Variants in NDRG1 observed in about 807,000 individuals in gnomAD.
The protein encoded by NDRG1 is N-myc downstream regulated 1, also known as protein NDRG1.
In NDRG1, 32 loss-of-function variants were observed where a neutral mutation model predicts 56.9. The ratio of observed to expected loss-of-function variants is 0.56; its 90% CI spans 0.42 to 0.76. NDRG1 has a LOEUF of 0.76. NDRG1 is among the 30% of genes least tolerant of loss of function. NDRG1 has a pLI of 0.00. For missense variants in NDRG1, 507 were observed against 545.7 expected (o/e 0.93, Z 0.71); for synonymous variants, 211 against 204.1 (o/e 1.03, Z -0.29).
chr8:133,275,555 TAAAA>T (rs1203402232), intron 3 of NDRG1, among the ~76,000 whole-genome samples: 1 of 151,790 alleles, frequency 6.6e-6, no homozygotes, highest in Non-Finnish European at 1.5e-5. Flanking sequence ...TGTCACCACT[TAAAA>T]AAAAGCCTCA....
intron 5 of NDRG1, among the ~76,000 whole-genome samples, chr8:133,261,339 C>A (rs1241226623): frequency 6.6e-6 from 1 of 152,282 alleles, no homozygotes; most frequent in East Asian, 1.9e-4. Flanking sequence ...ACCATGTTGG[C>A]CAGGCTGGTC....
intron 3 of NDRG1, 41 bp from the exon 4 acceptor site, chr8:133,264,693 T>C: frequency 6.4e-7 from 1 of 1,551,320 alleles, no homozygotes; most frequent in Non-Finnish European, 8.9e-7. Context: ...CATGTGGGGT[T>C]CATGGCATCC....
At chr8:133,290,395 C>A (rs1858365683) in intron 1 of NDRG1, among the ~76,000 whole-genome samples, 1 of 152,164 alleles carries the variant, frequency 6.6e-6, no homozygotes, top group Non-Finnish European at 1.5e-5. Context: ...TTCCTTTAAG[C>A]CTCACAGAAA....
chr8:133,284,695 C>A (rs1563641159), intron 1 of NDRG1: 2 of 458,108 alleles, frequency 4.4e-6, no homozygotes, highest in Non-Finnish European at 8.7e-6. Flanking sequence ...CATTGCTGAT[C>A]CCAAAGTCAG....
Position 133,280,257 on chromosome 8 carries a change from C to T in NDRG1, c.74G>A (p.Gly25Asp), listed in dbSNP as rs1242048407. ...CTGGACATCAAACTCTTGCAGGAGGCCGGTGATGGTCTGTGAAAAGACAAA... is the reference window on the plus strand; with the variant it reads ...CTGGACATCAAACTCTTGCAGGAGGTCGGTGATGGTCTGTGAAAAGACAAA... ...PLVEKGETITGLLQEFDVQEQ... is the reference protein window; with the variant it reads ...PLVEKGETITDLLQEFDVQEQ... Residue 25 changes from glycine to aspartate, a missense_variant, in exon 3 of 16, where the codon GGC becomes GAC. By Grantham distance (94) the Gly-to-Asp change is moderately conservative. Transcript: ENST00000323851. 6.2e-7 allele frequency: 1 copy of T among 1,614,056 alleles called. No homozygotes were observed. The highest frequency in any genetic ancestry group is 2.2e-5 in the East Asian group (1 of 44,880).
intron 3 of NDRG1, among the ~76,000 whole-genome samples, chr8:133,266,425 A>G (rs1350734336): frequency 6.6e-6 from 1 of 152,214 alleles, no homozygotes; most frequent in Non-Finnish European, 1.5e-5. Flanking sequence ...AGCGTTCACA[A>G]ACTCACGCTT....
chr8:133,268,221 A>G lies in NDRG1; in HGVS notation c.100-3569T>C, dbSNP rs369921199. On this transcript the variant is annotated intron_variant, in intron 3 of 15. Coordinates refer to ENST00000323851, the MANE Select transcript of NDRG1 (RefSeq NM_006096.4). ...GATGATGGTGAGCATTACACCCTAGAAAGGAACTTTCTCTCCTAAGGGCAT... is the reference window on the plus strand; with the variant it reads ...GATGATGGTGAGCATTACACCCTAGGAAGGAACTTTCTCTCCTAAGGGCAT... Among the ~76,000 whole-genome samples the G allele has an allele frequency of 4.1e-4, 63 of 152,212 alleles. No homozygotes were observed. The East Asian group carries it at 8.7e-3, about 21-fold the overall frequency.
chr8:133,261,374 G>A (rs1163549652), intron 5 of NDRG1, among the ~76,000 whole-genome samples: 8 of 151,634 alleles, frequency 5.3e-5, no homozygotes, highest in African/African-American at 1.7e-4. Context: ...TCGGTGGTCC[G>A]CCCACCTTGG....
chr8:133,267,334 G>A (rs566828958), intron 3 of NDRG1, among the ~76,000 whole-genome samples: 1 of 152,200 alleles, frequency 6.6e-6, no homozygotes, highest in Non-Finnish European at 1.5e-5. Context: ...TGAGGGTGGT[G>A]ACACATAAAG....
intron 9 of NDRG1, 88 bp from the exon 10 acceptor site, chr8:133,250,631 GAC>G: frequency 1.7e-6 from 2 of 1,145,728 alleles, no homozygotes; most frequent in Non-Finnish European, 2.6e-6. Flanking sequence ...GTTATTTGGA[GAC>G]AAAGTAAAGA....
chr8:133,296,520 G>A (rs1437968443), intron 1 of NDRG1: 1 of 456,032 alleles, frequency 2.2e-6, no homozygotes, highest in Non-Finnish European at 4.4e-6. Context: ...ACACCGCCCT[G>A]TGTGTGCTAC....
At chr8:133,282,983 A>G (rs532994501) in intron 2 of NDRG1, among the ~76,000 whole-genome samples, 1 of 152,330 alleles carries the variant, frequency 6.6e-6, no homozygotes, top group South Asian at 2.1e-4. Context: ...AAAAGGGGAA[A>G]AGAGATGGTT....
At chr8:133,282,931 C>T (rs72731583) in intron 2 of NDRG1, among the ~76,000 whole-genome samples, 1,557 of 152,324 alleles carry the variant, frequency 0.01, 16 homozygotes, top group Admixed American at 0.016. Flanking sequence ...TGACCAATCC[C>T]CTTCCTGTCT....
chr8:133,266,456 A>T (rs1377768824), intron 3 of NDRG1, among the ~76,000 whole-genome samples: 1 of 152,196 alleles, frequency 6.6e-6, no homozygotes, highest in African/African-American at 2.4e-5. Context: ...GATGGGACAG[A>T]TCACCACTTA....
chr8:133,290,767 C>A (rs758747877), intron 1 of NDRG1, among the ~76,000 whole-genome samples: 6 of 152,210 alleles, frequency 3.9e-5, no homozygotes, highest in Non-Finnish European at 8.8e-5. Flanking sequence ...TCTCCCTTCA[C>A]AACACCCAGA....
At chr8:133,283,402 G>A (rs1309653360) in intron 2 of NDRG1, among the ~76,000 whole-genome samples, 3 of 152,218 alleles carry the variant, frequency 2.0e-5, no homozygotes, top group African/African-American at 7.2e-5. Flanking sequence ...GTGAGAATTG[G>A]GATGTAAACA....
chr8:133,262,390 G>A, intron 4 of NDRG1: 1 of 558,680 alleles, frequency 1.8e-6, no homozygotes, highest in Admixed American at 3.0e-5. Flanking sequence ...GCAAGGGAGT[G>A]GTAGCTGGCA....
At chr8:133,267,851 T>C (rs1856996537) in intron 3 of NDRG1, among the ~76,000 whole-genome samples, 1 of 152,134 alleles carries the variant, frequency 6.6e-6, no homozygotes, top group Non-Finnish European at 1.5e-5. Context: ...AGGAGTCACC[T>C]GCACGGAGCC....
intron 5 of NDRG1, among the ~76,000 whole-genome samples, chr8:133,260,386 G>C (rs373571051): frequency 1.3e-5 from 2 of 152,340 alleles, no homozygotes; most frequent in East Asian, 3.9e-4. Flanking sequence ...CCTACTCCAG[G>C]AGGAAGAAAC....
Sources: allele counts gnomAD v4.1 joint callset (sites outside exome capture counted in the v4.1 genomes callset), GRCh38; gene constraint gnomAD v4.1.1; transcripts MANE v1.5; gene names NCBI Gene and HGNC (gene_info 2026-07-23, HGNC 2026-07-21).